SMC4: variants seen among roughly 807,000 people sequenced by gnomAD.
SMC4 encodes the protein structural maintenance of chromosomes 4.
SMC4 carries 87 observed loss-of-function variants against 145.6 expected under a neutral mutation model. The observed-to-expected ratio is 0.60, with a 90% CI of 0.50 to 0.71. The LOEUF (loss-of-function observed/expected upper bound fraction) is 0.71. SMC4 is among the 30% of genes least tolerant of loss of function. SMC4 has a pLI of 0.00. For synonymous variants in SMC4, 558 were observed against 500.7 expected (o/e 1.11, Z -1.53); for missense variants, 1,447 against 1,537.1 (o/e 0.94, Z 0.98).
chr3:160,406,712 C>T (rs1715368701), intron 5 of SMC4, among the ~76,000 whole-genome samples: 2 of 151,908 alleles, frequency 1.3e-5, no homozygotes, highest in Admixed American at 1.3e-4. Flanking sequence ...TTAGAAGTTC[C>T]TAAGAGTAAA....
chr3:160,417,520 A>G, intron 10 of SMC4: 1 of 553,162 alleles, frequency 1.8e-6, no homozygotes, highest in East Asian at 3.0e-5. Context: ...CTCTTGTGAA[A>G]TCAGTTGGGA....
At chr3:160,406,897 C>CACAT (rs1209197292) in intron 5 of SMC4, among the ~76,000 whole-genome samples, 1 of 152,142 alleles carries the variant, frequency 6.6e-6, no homozygotes, top group African/African-American at 2.4e-5. Flanking sequence ...TCCTTAAAGA[C>CACAT]ACATACATGC....
intron 12 of SMC4, 96 bp from the exon 13 acceptor site, chr3:160,420,644 A>T: frequency 1.6e-6 from 2 of 1,284,224 alleles, no homozygotes; most frequent in Non-Finnish European, 2.2e-6. Context: ...GTCTACATAA[A>T]GTTTTTCAAT....
intron 18 of SMC4, among the ~76,000 whole-genome samples, chr3:160,429,640 C>G (rs890846557): frequency 6.6e-6 from 1 of 151,840 alleles, no homozygotes; most frequent in Non-Finnish European, 1.5e-5. Flanking sequence ...AGCCACTGCA[C>G]CCAGCCACCT....
At chr3:160,412,843 T>G in intron 7 of SMC4, 2 of 983,500 alleles carry the variant, frequency 2.0e-6, no homozygotes, top group Non-Finnish European at 2.4e-6. Flanking sequence ...CTGCTTTAAG[T>G]TGGGAGGTAG....
At chr3:160,421,177 C>T (rs1394044990) in intron 13 of SMC4, among the ~76,000 whole-genome samples, 1 of 152,090 alleles carries the variant, frequency 6.6e-6, no homozygotes, top group Non-Finnish European at 1.5e-5. Flanking sequence ...GATCCGCCCA[C>T]CTCGGCCTCC....
chr3:160,416,917 A>C (rs938646007), intron 10 of SMC4, among the ~76,000 whole-genome samples: 3 of 152,160 alleles, frequency 2.0e-5, no homozygotes, highest in Non-Finnish European at 1.5e-5. Context: ...GAATATATCT[A>C]CTTTGTGAAA....
chr3:160,414,553 C>T, intron 9 of SMC4, 36 bp downstream of exon 9: 1 of 1,570,782 alleles, frequency 6.4e-7, no homozygotes, highest in Non-Finnish European at 8.7e-7. Context: ...AATTTCACGT[C>T]TGAATATCAT....
Position 160,416,398 on chromosome 3 carries a change from C to A in SMC4, c.1420C>A (p.Leu474Ile). ...MDSLKQETQGLQKEKESREKE... is the reference protein window; with the variant it reads ...MDSLKQETQGIQKEKESREKE... ...TAGCCTTAAACAGGAAACACAAGGGCTTCAGAAAGAAAAAGAAGTAAGTTT... is the reference window on the plus strand; with the variant it reads ...TAGCCTTAAACAGGAAACACAAGGGATTCAGAAAGAAAAAGAAGTAAGTTT... Residue 474 changes from leucine (L) to isoleucine (I), a missense_variant, in exon 10 of 24, where the codon CTT becomes ATT. Physicochemically the swap from Leu to Ile is conservative, Grantham distance 5. Coordinates refer to ENST00000357388, the MANE Select transcript of SMC4 (RefSeq NM_001002800.3). 6.8e-7 allele frequency: 1 copy of A among 1,462,404 alleles called. No homozygotes were observed. The highest frequency in any genetic ancestry group is 2.4e-5 in the Admixed American group (1 of 41,264). 90.6% of individuals were successfully genotyped at this position (1,462,404 alleles called of 1,614,324 possible).
intron 12 of SMC4, among the ~76,000 whole-genome samples, chr3:160,419,888 T>TGA (rs1716987090): frequency 6.6e-6 from 1 of 152,148 alleles, no homozygotes; most frequent in African/African-American, 2.4e-5. Flanking sequence ...AAGGATCACT[T>TGA]GAGCCTAGGA....
intron 17 of SMC4, among the ~76,000 whole-genome samples, chr3:160,427,472 G>T (rs1433601912): frequency 6.6e-6 from 1 of 152,180 alleles, no homozygotes; most frequent in Non-Finnish European, 1.5e-5. Context: ...CAATGGCTTT[G>T]ATGGTACCTG....
intron 20 of SMC4, 119 bp downstream of exon 20, chr3:160,431,324 T>G: frequency 5.0e-6 from 4 of 797,572 alleles, no homozygotes; most frequent in Non-Finnish European, 7.6e-6. Flanking sequence ...TACATTGTGA[T>G]TTTTAATTCT....
At chr3:160,402,615 CAGT>C (rs1158916919) in intron 3 of SMC4, 58 bp from the exon 4 acceptor site, 5 of 1,488,478 alleles carry the variant, frequency 3.4e-6, no homozygotes, top group Non-Finnish European at 4.5e-6. Flanking sequence ...CAGTTAAAAT[CAGT>C]AGTATTAGCA....
chr3:160,421,811 C>T (rs961438012), intron 13 of SMC4, among the ~76,000 whole-genome samples: 1 of 152,128 alleles, frequency 6.6e-6, no homozygotes, highest in African/African-American at 2.4e-5. Context: ...GTGTTGTTCA[C>T]CCATGACCAC....
chr3:160,417,835 T>C lies in SMC4; in HGVS notation c.1550T>C (p.Val517Ala), dbSNP rs1417729883. The change falls in exon 11 of 24, where the codon GTG (valine) becomes GCG (alanine). Residue 517 changes from valine (V) to alanine (A), a missense_variant. Physicochemically the swap from Val to Ala is moderately conservative, Grantham distance 64. Coordinates refer to ENST00000357388, the MANE Select transcript of SMC4 (RefSeq NM_001002800.3). ...DIYLSRHNTA[V>A]SQLTKAKEAL... is the part of the protein sequence containing the mutation. ...TATCTCAGTCGTCATAATACTGCAG[T>C]GTCTCAATTAACTAAGGCTAAGGAA... 1 of 1,613,654 alleles carries C rather than the reference T, an allele frequency of 6.2e-7. No individual in the cohort carries two copies. The highest frequency in any genetic ancestry group is 1.7e-5 in the Admixed American group (1 of 60,010).
Position 160,402,093 on chromosome 3 carries a change from G to T in SMC4, c.318G>T (p.Lys106Asn). Residue 106 changes from lysine to asparagine, a missense_variant and splice_region_variant, in exon 3 of 24, where the codon AAG (lysine) becomes AAT (asparagine). Coordinates refer to ENST00000357388, the MANE Select transcript of SMC4 (RefSeq NM_001002800.3). ...AGAAAATTCTGGGACCTTTCCATAA[G>T]GTATTTGTATGGAAATAACTATTTT... ...AGEKILGPFH[K>N]RFSCIIGPNG... 1 of 1,517,628 alleles carries T rather than the reference G, an allele frequency of 6.6e-7. No individual in the cohort carries two copies. The highest frequency in any genetic ancestry group is 1.3e-5 in the South Asian group (1 of 76,444). The allele number at this position is 1,517,628 out of a possible 1,614,324, so 94.0% of individuals were successfully genotyped here. A position where few individuals can be genotyped will look rare whatever the true frequency, so the allele number is the denominator to read the frequency against.
At chr3:160,431,370 T>C (rs528544434) in intron 20 of SMC4, among the ~76,000 whole-genome samples, 165 bp downstream of exon 20, 1 of 152,278 alleles carries the variant, frequency 6.6e-6, no homozygotes, top group Non-Finnish European at 1.5e-5. Flanking sequence ...GACATAACAA[T>C]ATAAATTGTT....
At chr3:160,414,293 T>C in intron 8 of SMC4, 74 bp from the exon 9 acceptor site, 1 of 1,202,866 alleles carries the variant, frequency 8.3e-7, no homozygotes, top group South Asian at 1.2e-5. Flanking sequence ...AGAGGAAGTG[T>C]TCCAGGTAGG....
chr3:160,412,799 C>A, intron 7 of SMC4: 1 of 839,504 alleles, frequency 1.2e-6, no homozygotes, highest in Non-Finnish European at 1.4e-6. Context: ...TTAAATTAGG[C>A]ATATTAATTC....
Sources: allele counts gnomAD v4.1 joint callset (sites outside exome capture counted in the v4.1 genomes callset), GRCh38; gene constraint gnomAD v4.1.1; transcripts MANE v1.5; gene names NCBI Gene and HGNC (gene_info 2026-07-23, HGNC 2026-07-21).